ARPP21: variants seen among roughly 807,000 people sequenced by gnomAD.
The protein encoded by ARPP21 is cAMP regulated phosphoprotein 21.
ARPP21 carries 69 observed loss-of-function variants against 113.2 expected under a neutral mutation model. The observed-to-expected ratio is 0.61, with a 90% CI of 0.50 to 0.74. The LOEUF is 0.74. Among genes scored for constraint, ARPP21 ranks in the 30% least tolerant of loss-of-function variants. The pLI is 0.00. For synonymous variants in ARPP21, 368 were observed against 375.5 expected (o/e 0.98, Z 0.23); for missense variants, 1,070 against 1,037.4 (o/e 1.03, Z -0.43).
At chr3:35,710,542 AACACACACAC>A (rs3086903) in intron 11 of ARPP21, among the ~76,000 whole-genome samples, 3,960 of 132,940 alleles carry the variant, frequency 0.03, 160 homozygotes, top group African/African-American at 0.094. Context: ...CTCTCTCTCA[AACACACACAC>A]ACACACACAC....
At chr3:35,664,517 A>G (rs533565169) in intron 1 of ARPP21, among the ~76,000 whole-genome samples, 9 of 152,232 alleles carry the variant, frequency 5.9e-5, no homozygotes, top group East Asian at 5.8e-4. Context: ...TCAAGTCCCC[A>G]GGTGGCTCTG....
At chr3:35,793,562 C>A in intron 20 of ARPP21, 139 bp from the exon 21 acceptor site, 1 of 647,516 alleles carries the variant, frequency 1.5e-6, no homozygotes, top group African/African-American at 1.8e-5. Context: ...TGTGAAACAG[C>A]CGATAAATGG....
At chr3:35,773,426 T>C (rs1459987005) in intron 19 of ARPP21, among the ~76,000 whole-genome samples, 1 of 152,136 alleles carries the variant, frequency 6.6e-6, no homozygotes, top group Non-Finnish European at 1.5e-5. Flanking sequence ...GGTCTTTCCA[T>C]AATAAATTGC....
intron 19 of ARPP21, among the ~76,000 whole-genome samples, chr3:35,771,349 G>T (rs2096194380): frequency 6.7e-6 from 1 of 149,786 alleles, no homozygotes; most frequent in Non-Finnish European, 1.5e-5. Flanking sequence ...TTTTTTTTAA[G>T]ATGCAGTCTC....
intron 15 of ARPP21, among the ~76,000 whole-genome samples, chr3:35,730,887 G>A (rs972244837): frequency 1.3e-5 from 2 of 152,146 alleles, no homozygotes; most frequent in Non-Finnish European, 2.9e-5. Flanking sequence ...AGGGAAGAAA[G>A]GCATAATCAT....
chr3:35,653,043 T>G (rs1490345934), intron 1 of ARPP21, among the ~76,000 whole-genome samples: 8 of 152,068 alleles, frequency 5.3e-5, no homozygotes, highest in Non-Finnish European at 8.8e-5. Flanking sequence ...TGAGTTTACC[T>G]TTGGATTATG....
At chr3:35,726,542 C>A (rs1389458589) in intron 14 of ARPP21, among the ~76,000 whole-genome samples, 2 of 152,230 alleles carry the variant, frequency 1.3e-5, no homozygotes, top group African/African-American at 4.8e-5. Flanking sequence ...CCTGTGGAAT[C>A]AAATCATTTA....
At chr3:35,729,102 A>G (rs145173735) in intron 14 of ARPP21, among the ~76,000 whole-genome samples, 333 of 152,318 alleles carry the variant, frequency 2.2e-3, no homozygotes, top group African/African-American at 7.7e-3. Flanking sequence ...CAGAAAATTG[A>G]CACACTTGAA....
At position 35,721,743 on chromosome 3, in the gene ARPP21, G is replaced by T. The variant is rs1338430441; in HGVS notation, c.1134G>T (p.Met378Ile). 7.4e-6 allele frequency: 12 copies of T among 1,613,782 alleles called. No individual in the cohort carries two copies. The highest frequency in any genetic ancestry group is 1.0e-5 in the Non-Finnish European group (12 of 1,179,922). The change falls in exon 14 of 21, where the codon ATG (methionine) becomes ATT (isoleucine). Residue 378 changes from methionine (M) to isoleucine (I), a missense_variant. Met to Ile is a conservative substitution (Grantham distance 10, BLOSUM62 1). Transcript: ENST00000684406. ...DSSNRNLKPA[M>I]TKTASFGGIT... is the part of the protein sequence containing the mutation. ...CCAACCGCAATCTAAAGCCCGCCAT[G>T]ACCAAGACGGCGAGTTTTGGGGGCA...
At chr3:35,786,245 C>T (rs1008444860) in intron 19 of ARPP21, among the ~76,000 whole-genome samples, 2 of 152,026 alleles carry the variant, frequency 1.3e-5, no homozygotes, top group East Asian at 1.9e-4. Context: ...TTTACTTGGC[C>T]GGGCGTGGTG....
chr3:35,763,053 T>C (rs1576765166), intron 19 of ARPP21, among the ~76,000 whole-genome samples: 1 of 152,092 alleles, frequency 6.6e-6, no homozygotes, highest in Non-Finnish European at 1.5e-5. Context: ...TACAATGGGG[T>C]ACATAAATAT....
At chr3:35,682,479 T>G (rs1359302814) in intron 3 of ARPP21, 1 of 189,586 alleles carries the variant, frequency 5.3e-6, no homozygotes, top group Non-Finnish European at 1.1e-5. Flanking sequence ...CACTTACAAA[T>G]AGCTTGTAAG....
At chr3:35,707,585 A>G (rs2089638828) in intron 10 of ARPP21, 1 of 455,266 alleles carries the variant, frequency 2.2e-6, no homozygotes, top group Non-Finnish European at 4.4e-6. Context: ...ATAAGTCTTC[A>G]GAGAAAAGAA....
chr3:35,775,052 A>G (rs2096315208), intron 19 of ARPP21: 1 of 152,164 alleles, frequency 6.6e-6, no homozygotes, highest in Admixed American at 6.5e-5. Context: ...TAAGATTAAT[A>G]CAAATTAATA....
intron 19 of ARPP21, among the ~76,000 whole-genome samples, chr3:35,756,153 A>G (rs1481667131): frequency 2.6e-5 from 4 of 152,082 alleles, no homozygotes; most frequent in African/African-American, 7.2e-5. Context: ...TCCAGCTCTG[A>G]AATACCAAGA....
chr3:35,656,805 A>T (rs183049642), intron 1 of ARPP21, among the ~76,000 whole-genome samples: 1 of 152,200 alleles, frequency 6.6e-6, no homozygotes, highest in East Asian at 1.9e-4. Context: ...AGTCAAATTT[A>T]CTGTATAATA....
chr3:35,700,852 C>T (rs1175134953), intron 9 of ARPP21, among the ~76,000 whole-genome samples: 1 of 151,550 alleles, frequency 6.6e-6, no homozygotes, highest in Non-Finnish European at 1.5e-5. Flanking sequence ...TTTTATTATA[C>T]TTTCAGTTCT....
At chr3:35,661,547 T>C (rs1707816216) in intron 1 of ARPP21, among the ~76,000 whole-genome samples, 1 of 152,304 alleles carries the variant, frequency 6.6e-6, no homozygotes, top group Admixed American at 6.5e-5. Context: ...ATTCTCTGCA[T>C]GGAGTATAGA....
chr3:35,754,322 A>C (rs1316790147), intron 19 of ARPP21, among the ~76,000 whole-genome samples: 2 of 152,002 alleles, frequency 1.3e-5, no homozygotes. Context: ...AAGTTGTTAC[A>C]CTTGACAGCT....
Sources: gnomAD v4.1 joint callset for allele counts (sites outside exome capture counted in the v4.1 genomes callset) on GRCh38, gnomAD v4.1.1 for gene constraint, MANE v1.5 for transcripts, NCBI Gene and HGNC (gene_info 2026-07-23, HGNC 2026-07-21) for gene names.